The following PLCE1 variants were observed in gnomAD, a reference collection of about 807,000 sequenced individuals.
PLCE1 encodes the protein phospholipase C epsilon 1, also known as 1-phosphatidylinositol 4,5-bisphosphate phosphodiesterase epsilon-1.
In PLCE1, 119 loss-of-function variants were observed where a neutral mutation model predicts 242.8. The observed-to-expected ratio is 0.49, with a 90% CI of 0.42 to 0.57. The LOEUF (loss-of-function observed/expected upper bound fraction) is 0.57. Among genes scored for constraint, PLCE1 ranks in the 20% least tolerant of loss-of-function variants. The pLI is 0.00. For missense variants in PLCE1, 2,441 were observed against 2,788.8 expected, an observed-to-expected ratio of 0.88 and a Z score of 2.81; for synonymous variants, 945 against 1,017.4, an observed-to-expected ratio of 0.93 and a Z score of 1.35.
In PLCE1 at chr10:94,132,315, GTATGTGAGTAT is replaced by G; in HGVS notation, c.1349_1359del (p.Val450AlafsTer114). The G allele has an allele frequency of 6.2e-7, 1 of 1,614,008 alleles. No homozygotes were observed. The highest frequency in any genetic ancestry group is 8.5e-7 in the Non-Finnish European group (1 of 1,179,986). On this transcript the variant is annotated frameshift_variant, in exon 3 of 33. Transcript: ENST00000371380. LOFTEE classifies it high-confidence loss of function. ...CTTAAAGCAATGTGTCCGAGACACT[GTATGTGAGTAT>G]CGCGCCACCCTCCAAAGGACTTCAA... is the stretch of plus-strand genomic sequence containing the variant.
chr10:94,224,519 A>G (rs11187823), intron 4 of PLCE1, among the ~76,000 whole-genome samples: 65,519 of 152,106 alleles, frequency 0.43, 15,123 homozygotes, highest in East Asian at 0.62. Context: ...CTAAAGCCAT[A>G]GAGACAATAT....
chr10:94,204,802 G>GGAAGGAAGGAAA lies in PLCE1; in HGVS notation c.1810-22504_1810-22503insGAAGGAAGGAAA, dbSNP rs1564786995. Among the ~76,000 whole-genome samples, 144 of 37,062 alleles carry GGAAGGAAGGAAA rather than the reference G, an allele frequency of 3.9e-3. 3 individuals are homozygous for GGAAGGAAGGAAA. The highest frequency in any genetic ancestry group is 0.013 in the African/African-American group (138 of 10,476). 24.3% of individuals were successfully genotyped at this position (37,062 alleles called of 152,430 possible). ...AGGAAGGAAGGAAGGAAGGAAGGAA[G>GGAAGGAAGGAAA]CAAAATAATGTGTGCTGTAGAAAAT... On this transcript the variant is annotated intron_variant, in intron 4 of 32. Coordinates refer to ENST00000371380, the MANE Select transcript of PLCE1 (RefSeq NM_016341.4).
intron 2 of PLCE1, among the ~76,000 whole-genome samples, chr10:94,051,371 G>T (rs920103719): frequency 7.1e-6 from 1 of 141,484 alleles, no homozygotes; most frequent in African/African-American, 2.6e-5. Flanking sequence ...AGTTTTTCAT[G>T]TGTAAGAACC....
chr10:94,184,246 G>A (rs2048399800), intron 4 of PLCE1, among the ~76,000 whole-genome samples: 1 of 152,068 alleles, frequency 6.6e-6, no homozygotes, highest in Non-Finnish European at 1.5e-5. Flanking sequence ...CCCTTCAACG[G>A]CCCCCCTTTG....
At chr10:94,246,673 C>T in intron 8 of PLCE1, 52 bp downstream of exon 8, 1 of 1,520,806 alleles carries the variant, frequency 6.6e-7, no homozygotes, top group Non-Finnish European at 9.0e-7. Context: ...CTCAAGAGCA[C>T]ACACTGGGTG....
At chr10:94,081,343 ATTTC>A (rs1429009580) in intron 2 of PLCE1, among the ~76,000 whole-genome samples, 3 of 152,102 alleles carry the variant, frequency 2.0e-5, no homozygotes, top group Non-Finnish European at 4.4e-5. Flanking sequence ...GAAATTTTAA[ATTTC>A]TTTGTGATCT....
At chr10:94,133,031 T>A (rs10882398) in intron 3 of PLCE1, among the ~76,000 whole-genome samples, 58,718 of 151,496 alleles carry the variant, frequency 0.39, 12,885 homozygotes, top group East Asian at 0.53. Context: ...AATTTTTTTT[T>A]AAATGATTCA....
chr10:94,083,422 T>C (rs2044711901), intron 2 of PLCE1, among the ~76,000 whole-genome samples: 1 of 152,030 alleles, frequency 6.6e-6, no homozygotes, highest in Non-Finnish European at 1.5e-5. Context: ...AACAGTTCCC[T>C]AAACAACTCT....
chr10:94,042,652 G>C (rs1335603994), intron 2 of PLCE1, among the ~76,000 whole-genome samples: 1 of 152,106 alleles, frequency 6.6e-6, no homozygotes, highest in Non-Finnish European at 1.5e-5. Flanking sequence ...GGGAGATGCA[G>C]GGAACAATAC....
At chr10:94,029,404 G>A (rs1240398034) in intron 1 of PLCE1, among the ~76,000 whole-genome samples, 1 of 152,112 alleles carries the variant, frequency 6.6e-6, no homozygotes, top group Non-Finnish European at 1.5e-5. Context: ...AGAACAGAAT[G>A]ACCAACATTA....
chr10:94,208,673 G>A (rs2049242033), intron 4 of PLCE1, among the ~76,000 whole-genome samples: 1 of 152,204 alleles, frequency 6.6e-6, no homozygotes, highest in Non-Finnish European at 1.5e-5. Context: ...AAAACTTTAT[G>A]TAAGGACAGA....
chr10:94,089,507 G>A (rs2044980408), intron 2 of PLCE1: 2 of 600,314 alleles, frequency 3.3e-6, no homozygotes, highest in East Asian at 6.1e-5. Context: ...TTACAAAGAA[G>A]ATCAGAGAAG....
chr10:94,240,939 T>A (rs1161451274), intron 7 of PLCE1, among the ~76,000 whole-genome samples: 4 of 152,182 alleles, frequency 2.6e-5, no homozygotes, highest in Non-Finnish European at 5.9e-5. Context: ...TTCCACCTTA[T>A]CCCTTCTTGT....
At chr10:93,994,772 G>A (rs958567427) in intron 1 of PLCE1, among the ~76,000 whole-genome samples, 14 of 152,178 alleles carry the variant, frequency 9.2e-5, no homozygotes, top group African/African-American at 2.2e-4. Flanking sequence ...GCGAATGTTA[G>A]GTGCACAGCG....
chr10:94,184,286 C>A (rs1232639457), intron 4 of PLCE1, among the ~76,000 whole-genome samples: 1 of 152,158 alleles, frequency 6.6e-6, no homozygotes, highest in Admixed American at 6.5e-5. Flanking sequence ...GATAACAAGA[C>A]CCTGCATGGT....
chr10:94,171,365 A>G lies in PLCE1; in HGVS notation c.1678A>G (p.Thr560Ala), dbSNP rs763000355. 6.2e-7 allele frequency: 1 copy of G among 1,614,170 alleles called. No homozygotes were observed. Among genetic ancestry groups the G allele is most frequent in the Non-Finnish European group, 8.5e-7 (1 of 1,180,018 alleles). ...VLPVDYLCFL[T>A]RDLGTPECQS... ...GCCAGTCGACTACCTTTGCTTCTTA[A>G]CACGGGACTTGGGCACTCCTGAATG... The change falls in exon 4 of 33, where the codon ACA becomes GCA. Residue 560 changes from threonine (T) to alanine (A), a missense_variant. By Grantham distance (58) the Thr-to-Ala change is moderately conservative. Around this residue, in one of 5 missense-constraint regions of PLCE1, gnomAD observed 733 missense variants for 754.2 expected, o/e 0.97. Coordinates refer to ENST00000371380, the MANE Select transcript of PLCE1 (RefSeq NM_016341.4).
chr10:94,247,524 T>G (rs1380130986), intron 8 of PLCE1, among the ~76,000 whole-genome samples: 1 of 152,212 alleles, frequency 6.6e-6, no homozygotes, highest in African/African-American at 2.4e-5. Flanking sequence ...ATTAAAATCC[T>G]GGTTCATTTC....
chr10:94,146,690 G>A (rs940066006), intron 3 of PLCE1, among the ~76,000 whole-genome samples: 7 of 152,234 alleles, frequency 4.6e-5, no homozygotes, highest in Admixed American at 3.3e-4. Context: ...AAGGCTGGAG[G>A]CCTCAAGGGT....
chr10:94,049,399 G>T (rs2043699828), intron 2 of PLCE1, among the ~76,000 whole-genome samples: 1 of 152,114 alleles, frequency 6.6e-6, no homozygotes. Context: ...TCATTTTCCA[G>T]CTCTAATCTG....
Sources: gnomAD v4.1 joint callset for allele counts (sites outside exome capture counted in the v4.1 genomes callset) on GRCh38, gnomAD v4.1.1 for gene constraint, gnomAD v4.1.1 regional missense constraint, MANE v1.5 for transcripts, NCBI Gene and HGNC (gene_info 2026-07-23, HGNC 2026-07-21) for gene names.